Variants in TSPEAR observed in about 807,000 individuals in gnomAD.
The protein encoded by TSPEAR is thrombospondin type laminin G domain and EAR repeats, also known as thrombospondin-type laminin G domain and EAR repeat-containing protein.
Under a neutral mutation model 71.6 loss-of-function variants are expected in TSPEAR, and 69 were observed. The ratio of observed to expected loss-of-function variants is 0.96; its 90% CI spans 0.79 to 1.18. The LOEUF (loss-of-function observed/expected upper bound fraction) is 1.18. Among genes scored for constraint, TSPEAR ranks in the 50% most tolerant of loss-of-function variants. TSPEAR has a pLI of 0.00. For missense variants in TSPEAR, 971 were observed against 894.9 expected, an observed-to-expected ratio of 1.09 and a Z score of -1.09; for synonymous variants, 402 against 387.2, an observed-to-expected ratio of 1.04 and a Z score of -0.45.
intron 1 of TSPEAR, among the ~76,000 whole-genome samples, chr21:44,653,143 C>A (rs909553851): frequency 6.6e-6 from 1 of 151,978 alleles, no homozygotes; most frequent in East Asian, 1.9e-4. Flanking sequence ...GGTGACAGAG[C>A]GAGACTCCAT....
chr21:44,659,564 T>G (rs1490729704), intron 1 of TSPEAR, among the ~76,000 whole-genome samples: 1 of 152,006 alleles, frequency 6.6e-6, no homozygotes, highest in Non-Finnish European at 1.5e-5. Context: ...TTATAAGATA[T>G]GCAAAAAAGC....
chr21:44,608,777 A>G lies in TSPEAR; in HGVS notation c.83-40772T>C, dbSNP rs587763437. 6.6e-5 allele frequency among the ~76,000 whole-genome samples: 10 copies of G among 152,370 alleles called. 1 individual carries two copies. The East Asian group carries it at 1.5e-3, about 23-fold the overall frequency. On this transcript the variant is annotated intron_variant, in intron 1 of 11. Transcript: ENST00000323084. ...CAGAATAAATGGAATTATAAAATCA[A>G]CTAGTGAGGATGTAAATTTCTTTAG...
At chr21:44,512,139 GCA>G (rs1359542645) in intron 9 of TSPEAR, among the ~76,000 whole-genome samples, 7 of 152,228 alleles carry the variant, frequency 4.6e-5, no homozygotes, top group African/African-American at 1.7e-4. Flanking sequence ...AGGGCTGGGC[GCA>G]CACAGAGTGC....
rs200128642 is a variant in TSPEAR at position 44,579,777 on chromosome 21, G to A, written c.83-11772C>T. Reference sequence around the variant, plus strand: ...GAGCAGAGGCCTCAGCAGGCCAGGGGGGAGCACGCGGGGCGGCAGAGGAGG... The same window carrying A: ...GAGCAGAGGCCTCAGCAGGCCAGGGAGGAGCACGCGGGGCGGCAGAGGAGG... On this transcript the variant is annotated intron_variant, in intron 1 of 11. Coordinates refer to ENST00000323084, the MANE Select transcript of TSPEAR (RefSeq NM_144991.3). The A allele has an allele frequency of 7.9e-5, 127 of 1,611,940 alleles. No homozygotes were observed. In the African/African-American group the frequency reaches 9.7e-4, roughly 12 times the overall value.
At chr21:44,566,350 G>A (rs1299366297) in intron 2 of TSPEAR, among the ~76,000 whole-genome samples, 3 of 152,036 alleles carry the variant, frequency 2.0e-5, no homozygotes, top group Non-Finnish European at 4.4e-5. Flanking sequence ...TTTTGTTAAG[G>A]AAGATGTAAA....
intron 1 of TSPEAR, chr21:44,601,231 T>C (rs1555928662): frequency 5.0e-6 from 8 of 1,601,296 alleles, no homozygotes; most frequent in Non-Finnish European, 6.8e-6. Context: ...CATCAGCTCC[T>C]GCACGCCCTC....
At chr21:44,579,346 G>A (rs782334503) in intron 1 of TSPEAR, 18 of 234,322 alleles carry the variant, frequency 7.7e-5, no homozygotes, top group Non-Finnish European at 1.4e-4. Context: ...TTAGGCCACT[G>A]TCCCCCGTGA....
intron 1 of TSPEAR, among the ~76,000 whole-genome samples, chr21:44,604,869 A>G (rs1981211183): frequency 6.6e-6 from 1 of 152,206 alleles, no homozygotes; most frequent in Admixed American, 6.5e-5. Context: ...CTCTAATGTT[A>G]GTGTGATGTA....
chr21:44,672,621 C>T (rs1488985832), intron 1 of TSPEAR, among the ~76,000 whole-genome samples: 1 of 152,112 alleles, frequency 6.6e-6, no homozygotes, highest in Non-Finnish European at 1.5e-5. Flanking sequence ...TGAAAATTTC[C>T]CTAGTCTAGC....
chr21:44,697,954 C>A, intron 1 of TSPEAR: 1 of 1,600,108 alleles, frequency 6.2e-7, no homozygotes, highest in Non-Finnish European at 8.5e-7. Context: ...TCTGCTCAGG[C>A]CAGAAGTCCA....
chr21:44,697,816 C>CGCCCGCCGCGT (rs1987447816), intron 1 of TSPEAR: 1 of 1,613,256 alleles, frequency 6.2e-7, no homozygotes, highest in Admixed American at 1.7e-5. Flanking sequence ...TGTGCAGACC[C>CGCCCGCCGCGT]GCCCGCCGCG....
chr21:44,677,359 A>G (rs587740511), intron 1 of TSPEAR: 39 of 1,392,876 alleles, frequency 2.8e-5, no homozygotes, highest in East Asian at 2.5e-4. Flanking sequence ...GCGGCTTTCA[A>G]TATGTTGGAG....
chr21:44,690,503 C>T (rs913906422), intron 1 of TSPEAR: 13 of 963,712 alleles, frequency 1.3e-5, no homozygotes, highest in Non-Finnish European at 1.5e-5. Context: ...ATCAGATTAG[C>T]ATCAGACATC....
At chr21:44,516,960 T>C (rs1404005312) in intron 9 of TSPEAR, among the ~76,000 whole-genome samples, 5 of 152,114 alleles carry the variant, frequency 3.3e-5, no homozygotes, top group Non-Finnish European at 7.4e-5. Flanking sequence ...AGCCCCTCGC[T>C]CCTGCACCCT....
intron 1 of TSPEAR, among the ~76,000 whole-genome samples, chr21:44,655,263 A>G (rs1601535710): frequency 6.6e-6 from 1 of 152,080 alleles, no homozygotes; most frequent in Non-Finnish European, 1.5e-5. Flanking sequence ...AGGTGCAGGG[A>G]TCTGGACTGC....
chr21:44,654,283 C>G lies in TSPEAR; in HGVS notation c.82+57150G>C, dbSNP rs781901868. Reference sequence around the variant, plus strand: ...TCATAGGAGGCCACCTGCTCAGCAGCCAGTGGGGGTGCTCCAGGTGACAGG... The same window carrying G: ...TCATAGGAGGCCACCTGCTCAGCAGGCAGTGGGGGTGCTCCAGGTGACAGG... On this transcript the variant is annotated intron_variant, in intron 1 of 11. Transcript: ENST00000323084. 15 of 1,613,372 alleles carry G rather than the reference C, an allele frequency of 9.3e-6. No homozygotes were observed. The highest frequency in any genetic ancestry group is 1.7e-5 in the Admixed American group (1 of 59,996).
chr21:44,648,537 C>T (rs1984575049), intron 1 of TSPEAR, among the ~76,000 whole-genome samples: 2 of 152,190 alleles, frequency 1.3e-5, no homozygotes, highest in Non-Finnish European at 2.9e-5. Flanking sequence ...CCTTCATGGA[C>T]CTTTCATAGC....
intron 1 of TSPEAR, chr21:44,676,828 G>A (rs1014061193): frequency 5.8e-5 from 55 of 952,184 alleles, no homozygotes; most frequent in Admixed American, 3.4e-5. Context: ...TTCTTCCAGC[G>A]TTTGTTTCTC....
At chr21:44,558,060 G>T (rs1303161923) in intron 2 of TSPEAR, 3 of 1,605,798 alleles carry the variant, frequency 1.9e-6, no homozygotes, top group African/African-American at 2.7e-5. Flanking sequence ...TCAGCAGCTG[G>T]ACTTCTGGCC....
Sources: gnomAD v4.1 joint callset for allele counts (sites outside exome capture counted in the v4.1 genomes callset) on GRCh38, gnomAD v4.1.1 for gene constraint, MANE v1.5 for transcripts, NCBI Gene and HGNC (gene_info 2026-07-23, HGNC 2026-07-21) for gene names.